The following SPAG16 variants were observed in gnomAD, a reference collection of about 807,000 sequenced individuals.
SPAG16 encodes the protein sperm associated antigen 16.
Under a neutral mutation model 80.4 loss-of-function variants are expected in SPAG16, and 86 were observed. The ratio of observed to expected loss-of-function variants is 1.07; its 90% CI spans 0.90 to 1.28. The LOEUF (loss-of-function observed/expected upper bound fraction) is 1.28. Ranked by LOEUF, SPAG16 falls within the 50% of genes most tolerant of loss-of-function variation. The pLI, the probability that SPAG16 is intolerant of heterozygous loss-of-function variation, is 0.00. For synonymous variants in SPAG16, 294 were observed against 265.9 expected (o/e 1.11, Z -1.03); for missense variants, 870 against 765.3 (o/e 1.14, Z -1.61).
At chr2:213,979,936 G>A (rs947525608) in intron 12 of SPAG16, among the ~76,000 whole-genome samples, 1 of 151,840 alleles carries the variant, frequency 6.6e-6, no homozygotes, top group African/African-American at 2.4e-5. Flanking sequence ...TTACCTCACT[G>A]GAATAAGTGT....
chr2:214,054,343 T>C (rs976345520), intron 13 of SPAG16, among the ~76,000 whole-genome samples: 1 of 152,200 alleles, frequency 6.6e-6, no homozygotes, highest in East Asian at 1.9e-4. Flanking sequence ...TAAAACCCTA[T>C]ATCTCCTTAT....
chr2:213,980,604 T>G (rs1336450990), intron 12 of SPAG16, among the ~76,000 whole-genome samples: 1 of 143,488 alleles, frequency 7.0e-6, no homozygotes, highest in African/African-American at 2.6e-5. Flanking sequence ...TATGTATATA[T>G]GGAGTATATG....
At chr2:213,995,083 GA>G (rs1327188113) in intron 12 of SPAG16, among the ~76,000 whole-genome samples, 1 of 152,212 alleles carries the variant, frequency 6.6e-6, no homozygotes, top group African/African-American at 2.4e-5. Flanking sequence ...TGCTAGTTGA[GA>G]AGACTTCTCA....
rs1451817052 is a variant in SPAG16 at position 214,008,274 on chromosome 2, T to G, written c.1401-5677T>G. Among the ~76,000 whole-genome samples the G allele has an allele frequency of 3.3e-5, 5 of 152,218 alleles. No homozygotes were observed. In the East Asian group the frequency reaches 9.6e-4, roughly 29 times the overall value. The stretch of plus-strand genomic sequence containing the variant: ...TCTCTATCTGTGCACCCATTATAAC[T>G]ATATGTTTCTTTAAATCTTTGAACA... On this transcript the variant is annotated intron_variant, in intron 12 of 15. Coordinates refer to ENST00000331683, the MANE Select transcript of SPAG16 (RefSeq NM_024532.5).
At chr2:213,626,871 C>G (rs976874865) in intron 10 of SPAG16, among the ~76,000 whole-genome samples, 1 of 152,082 alleles carries the variant, frequency 6.6e-6, no homozygotes, top group Admixed American at 6.6e-5. Flanking sequence ...TGGTCTCGAA[C>G]TCCTGACCTC....
At chr2:213,689,854 TA>T (rs2064864502) in intron 10 of SPAG16, among the ~76,000 whole-genome samples, 1 of 151,964 alleles carries the variant, frequency 6.6e-6, no homozygotes, top group South Asian at 2.1e-4. Flanking sequence ...GTAGAGAGGC[TA>T]TCCTACTCCA....
intron 12 of SPAG16, among the ~76,000 whole-genome samples, chr2:213,971,963 GT>G (rs1324375645): frequency 6.6e-6 from 1 of 150,686 alleles, no homozygotes; most frequent in Admixed American, 6.6e-5. Context: ...TTTAGTTTTT[GT>G]GGGTGCATAG....
At chr2:213,599,574 T>G (rs1198425402) in intron 10 of SPAG16, among the ~76,000 whole-genome samples, 1 of 152,238 alleles carries the variant, frequency 6.6e-6, no homozygotes, top group Non-Finnish European at 1.5e-5. Flanking sequence ...TAGAGCTTAC[T>G]TTATTGTAAG....
intron 15 of SPAG16, among the ~76,000 whole-genome samples, chr2:214,375,637 T>C (rs915812164): frequency 2.0e-5 from 3 of 152,192 alleles, no homozygotes; most frequent in African/African-American, 7.2e-5. Flanking sequence ...GGTAAAGTTG[T>C]GGTAACTTAG....
intron 13 of SPAG16, among the ~76,000 whole-genome samples, chr2:214,080,640 G>T (rs941441884): frequency 2.7e-5 from 4 of 150,194 alleles, no homozygotes; most frequent in Non-Finnish European, 5.9e-5. Context: ...AAAATAAAAA[G>T]AAAAAAGAAA....
chr2:213,894,978 G>T (rs531317829), intron 11 of SPAG16, among the ~76,000 whole-genome samples: 3 of 70,902 alleles, frequency 4.2e-5, no homozygotes, highest in Non-Finnish European at 7.2e-5. Context: ...ACAGAACAAG[G>T]CTCCATCTCA....
intron 10 of SPAG16, among the ~76,000 whole-genome samples, chr2:213,745,735 T>G (rs1207069615): frequency 6.6e-6 from 1 of 152,206 alleles, no homozygotes; most frequent in Non-Finnish European, 1.5e-5. Flanking sequence ...ATGCCATAAT[T>G]ATAAAAATAT....
chr2:213,490,057 AC>A lies in SPAG16; in HGVS notation c.1038del (p.Asn346LysfsTer10). The A allele has an allele frequency of 6.2e-7, 1 of 1,605,204 alleles. No individual in the cohort carries two copies. The highest frequency in any genetic ancestry group is 8.5e-7 in the Non-Finnish European group (1 of 1,176,088). ...GCAAAATTTGACTACAAGCTGAAAA[AC>A]ATTTTTAGACTCCATGAACTTCCAG... Reference protein sequence around the residue: ...SPAKFDYKLKNIFRLHELPVS... With the variant: ...SPAKFDYKLKXIFRLHELPVS... On this transcript the variant is annotated frameshift_variant, in exon 10 of 16. Transcript: ENST00000331683. LOFTEE classifies it high-confidence loss of function.
chr2:214,240,718 A>G (rs1358115285), intron 15 of SPAG16: 1 of 152,224 alleles, frequency 6.6e-6, no homozygotes, highest in African/African-American at 2.4e-5. Context: ...AAAATCATCT[A>G]AGATTATAAT....
chr2:214,042,120 C>G (rs1193204225), intron 13 of SPAG16, among the ~76,000 whole-genome samples: 1 of 149,770 alleles, frequency 6.7e-6, no homozygotes, highest in East Asian at 2.0e-4. Flanking sequence ...GAGTCTCTCT[C>G]TGTTGCCCAG....
intron 10 of SPAG16, among the ~76,000 whole-genome samples, chr2:213,741,784 T>C (rs945677396): frequency 2.0e-5 from 3 of 152,190 alleles, no homozygotes; most frequent in Non-Finnish European, 4.4e-5. Flanking sequence ...TTAGAGATTA[T>C]ATTATTAACT....
chr2:214,244,485 C>T (rs1476935276), intron 15 of SPAG16, among the ~76,000 whole-genome samples: 2 of 150,944 alleles, frequency 1.3e-5, no homozygotes, highest in Non-Finnish European at 3.0e-5. Context: ...AACTAAGTTT[C>T]ATAGTTTCTG....
At chr2:213,691,636 G>A (rs1452715526) in intron 10 of SPAG16, among the ~76,000 whole-genome samples, 1 of 152,120 alleles carries the variant, frequency 6.6e-6, no homozygotes, top group African/African-American at 2.4e-5. Context: ...TTATAGGCAA[G>A]GATAGCTAGA....
intron 10 of SPAG16, among the ~76,000 whole-genome samples, chr2:213,604,240 G>C (rs2061173349): frequency 6.6e-6 from 1 of 152,030 alleles, no homozygotes; most frequent in Non-Finnish European, 1.5e-5. Context: ...GTGTTTTTAG[G>C]GAGGCCTTTT....
Sources: allele counts gnomAD v4.1 joint callset (sites outside exome capture counted in the v4.1 genomes callset), GRCh38; gene constraint gnomAD v4.1.1; transcripts MANE v1.5; gene names NCBI Gene and HGNC (gene_info 2026-07-23, HGNC 2026-07-21).